ANO6: variants seen among roughly 807,000 people sequenced by gnomAD.
ANO6 encodes anoctamin-6.
A neutral mutation model predicts 117.5 loss-of-function variants in ANO6; 106 were observed. The ratio of observed to expected loss-of-function variants is 0.90; its 90% CI spans 0.77 to 1.06. ANO6 has a LOEUF of 1.06. ANO6 is among the 50% of genes least tolerant of loss of function. The pLI, the probability that ANO6 is intolerant of heterozygous loss-of-function variation, is 0.00. For synonymous variants in ANO6, 367 were observed against 385.1 expected (o/e 0.95, Z 0.55); for missense variants, 955 against 1,121.1 (o/e 0.85, Z 2.12).
chr12:45,267,051 C>A lies in ANO6; in HGVS notation c.71-34963C>A, dbSNP rs186523101. 2.4e-4 allele frequency among the ~76,000 whole-genome samples: 37 copies of A among 152,138 alleles called. 1 individual carries two copies. Among genetic ancestry groups the A allele is most frequent in the African/African-American group, 8.9e-4 (37 of 41,496 alleles). ...TGAAGACTCTTGTGGGTGACTGTATCCATGTTGTGCTATTTGAATTGAATC... is the reference window on the plus strand; with the variant it reads ...TGAAGACTCTTGTGGGTGACTGTATACATGTTGTGCTATTTGAATTGAATC... On this transcript the variant is annotated intron_variant, in intron 1 of 19. Transcript: ENST00000320560.
intron 19 of ANO6, among the ~76,000 whole-genome samples, chr12:45,427,872 G>C (rs1471021342): frequency 6.7e-6 from 1 of 149,062 alleles, no homozygotes; most frequent in Non-Finnish European, 1.5e-5. Flanking sequence ...CCGGAAGATG[G>C]AGGTTGCAGT....
intron 2 of ANO6, among the ~76,000 whole-genome samples, chr12:45,330,430 CTT>C (rs1940625228): frequency 6.6e-6 from 1 of 152,134 alleles, no homozygotes; most frequent in East Asian, 1.9e-4. Flanking sequence ...TCATAGAAAA[CTT>C]TTCAGTATCA....
chr12:45,320,150 C>T (rs776858245), intron 2 of ANO6, among the ~76,000 whole-genome samples: 3 of 151,952 alleles, frequency 2.0e-5, no homozygotes, highest in Non-Finnish European at 4.4e-5. Context: ...TTATTTCTTG[C>T]CTTCTGCTAG....
At chr12:45,321,914 T>C (rs190759667) in intron 2 of ANO6, among the ~76,000 whole-genome samples, 6 of 152,336 alleles carry the variant, frequency 3.9e-5, no homozygotes, top group Admixed American at 1.3e-4. Flanking sequence ...TTAGTACTTA[T>C]TACTGCGCCA....
At chr12:45,363,527 G>A (rs1347293323) in intron 8 of ANO6, among the ~76,000 whole-genome samples, 1 of 150,674 alleles carries the variant, frequency 6.6e-6, no homozygotes, top group Non-Finnish European at 1.5e-5. Flanking sequence ...TCACGCCACT[G>A]CACTCCAGCC....
In ANO6 at chr12:45,334,347, C is replaced by T. The variant is rs770062297; in HGVS notation, c.279+2924C>T. Reference sequence around the variant, plus strand: ...TCATTTAAGTAGTCTAGAGATACAGCCATTTCTGGATTAGTTTATTGGCTC... The same window carrying T: ...TCATTTAAGTAGTCTAGAGATACAGTCATTTCTGGATTAGTTTATTGGCTC... On this transcript the variant is annotated intron_variant, in intron 3 of 19. Transcript: ENST00000320560. Among the ~76,000 whole-genome samples, 3 of 152,018 alleles carry T rather than the reference C, an allele frequency of 2.0e-5. No homozygotes were observed. The East Asian group carries it at 5.8e-4, about 29-fold the overall frequency.
chr12:45,277,657 G>A (rs1463039212), intron 1 of ANO6, among the ~76,000 whole-genome samples: 2 of 152,164 alleles, frequency 1.3e-5, no homozygotes, highest in Non-Finnish European at 2.9e-5. Context: ...GTCTGACAAT[G>A]CTTGTATTTT....
At chr12:45,274,539 C>A (rs1424043666) in intron 1 of ANO6, among the ~76,000 whole-genome samples, 1 of 152,040 alleles carries the variant, frequency 6.6e-6, no homozygotes, top group African/African-American at 2.4e-5. Flanking sequence ...TGCAAGGACT[C>A]CTGTAGTCGC....
At chr12:45,398,911 C>T (rs1317228759) in intron 12 of ANO6, among the ~76,000 whole-genome samples, 1 of 152,140 alleles carries the variant, frequency 6.6e-6, no homozygotes, top group East Asian at 1.9e-4. Context: ...GGCAGAAAAT[C>T]GGTCTTCAGT....
chr12:45,414,045 C>T (rs547872804), intron 16 of ANO6, among the ~76,000 whole-genome samples: 86 of 152,140 alleles, frequency 5.7e-4, no homozygotes, highest in African/African-American at 2.0e-3. Flanking sequence ...GGAACATCAG[C>T]TTATGAACAT....
chr12:45,387,296 A>G (rs1362052984), intron 10 of ANO6, among the ~76,000 whole-genome samples: 2 of 152,202 alleles, frequency 1.3e-5, no homozygotes, highest in Admixed American at 6.5e-5. Flanking sequence ...CTAAAAAATT[A>G]TTTTAGTCAT....
intron 1 of ANO6, among the ~76,000 whole-genome samples, chr12:45,243,137 C>G (rs1238357297): frequency 6.6e-6 from 1 of 152,068 alleles, no homozygotes; most frequent in Non-Finnish European, 1.5e-5. Context: ...GGCAATGTAG[C>G]GAGACCCAAT....
intron 1 of ANO6, among the ~76,000 whole-genome samples, chr12:45,226,542 A>G (rs1186856479): frequency 1.3e-5 from 2 of 152,176 alleles, no homozygotes; most frequent in Admixed American, 1.3e-4. Context: ...ACAGAGTACA[A>G]TTATGCAAAT....
intron 1 of ANO6, among the ~76,000 whole-genome samples, chr12:45,255,304 A>G (rs189287963): frequency 6.6e-6 from 1 of 152,280 alleles, no homozygotes; most frequent in African/African-American, 2.4e-5. Context: ...CAGGAATGTC[A>G]TCTTGGCCAA....
In ANO6 at chr12:45,358,660, G is replaced by A. The variant is rs145997083; in HGVS notation, c.998+1236G>A. On this transcript the variant is annotated intron_variant, in intron 8 of 19. Transcript: ENST00000320560. ...GGAAGTTCTTGGGGATATACTGCCT[G>A]TGCTCAAAACTATTTGGCTTTAATT... 7.8e-3 allele frequency among the ~76,000 whole-genome samples: 1,183 copies of A among 152,152 alleles called. 17 individuals carry two copies. The highest frequency in any genetic ancestry group is 0.012 in the Non-Finnish European group (811 of 68,006).
intron 10 of ANO6, among the ~76,000 whole-genome samples, chr12:45,382,988 CAA>C (rs1047602085): frequency 1.3e-5 from 2 of 152,140 alleles, no homozygotes; most frequent in African/African-American, 4.8e-5. Flanking sequence ...TCTTTTTTCA[CAA>C]AAGAGTTCTC....
intron 7 of ANO6, among the ~76,000 whole-genome samples, chr12:45,356,395 C>G (rs188658806): frequency 5.3e-5 from 8 of 152,264 alleles, no homozygotes; most frequent in Non-Finnish European, 7.3e-5. Context: ...GACACCCGCA[C>G]ACACATACAG....
In ANO6 at chr12:45,430,395, T is replaced by C; in HGVS notation, c.*1084T>C. 1 of 985,386 alleles carries C rather than the reference T, an allele frequency of 1.0e-6. No homozygotes were observed. Among genetic ancestry groups the C allele is most frequent in the Non-Finnish European group, 1.2e-6 (1 of 829,946 alleles). 61.0% of individuals were successfully genotyped at this position (985,386 alleles called of 1,614,324 possible). A position where few individuals can be genotyped will look rare whatever the true frequency, so the allele number is the denominator to read the frequency against. On this transcript the variant is annotated 3_prime_UTR_variant, in exon 20 of 20. Coordinates refer to ENST00000320560, the MANE Select transcript of ANO6 (RefSeq NM_001025356.3). ...GTGGTCATTGGGTGGGGAGTGCCTT[T>C]TGTCAAGGAGTCTGCAGGAATTGGC...
intron 8 of ANO6, among the ~76,000 whole-genome samples, chr12:45,366,009 A>G (rs1162877537): frequency 6.6e-6 from 1 of 151,908 alleles, no homozygotes; most frequent in Non-Finnish European, 1.5e-5. Flanking sequence ...GTTTTTCCTT[A>G]GTTATTTGTA....
Sources: allele counts gnomAD v4.1 joint callset (sites outside exome capture counted in the v4.1 genomes callset), GRCh38; gene constraint gnomAD v4.1.1; transcripts MANE v1.5; gene names NCBI Gene and HGNC (gene_info 2026-07-23, HGNC 2026-07-21).